Variants in MYO7A observed in about 807,000 individuals in gnomAD.
MYO7A encodes myosin VIIA.
Under a neutral mutation model 263.8 loss-of-function variants are expected in MYO7A, and 210 were observed. The observed-to-expected ratio is 0.80, with a 90% CI of 0.71 to 0.89. MYO7A has a LOEUF of 0.89. MYO7A is among the 40% of genes least tolerant of loss of function. The pLI is 0.00. For synonymous variants in MYO7A, 1,239 were observed against 1,197.3 expected (o/e 1.03, Z -0.72); for missense variants, 2,820 against 2,968.3 (o/e 0.95, Z 1.16).
chr11:77,159,368 C>T (rs1166919105), intron 9 of MYO7A, 79 bp from the exon 10 acceptor site: 5 of 1,371,886 alleles, frequency 3.6e-6, no homozygotes, highest in Non-Finnish European at 5.1e-6. Context: ...GGAGTGGCAG[C>T]CTAGTCCTCT....
chr11:77,180,598 C>A, intron 22 of MYO7A, 117 bp downstream of exon 22: 1 of 833,132 alleles, frequency 1.2e-6, no homozygotes, highest in Non-Finnish European at 1.9e-6. Flanking sequence ...TTCAGAATGG[C>A]CACACTAGAC....
intron 9 of MYO7A, among the ~76,000 whole-genome samples, chr11:77,159,058 G>A (rs2135264602): frequency 6.6e-6 from 1 of 152,356 alleles, no homozygotes; most frequent in Middle Eastern, 3.4e-3. Context: ...TAAGCTGACA[G>A]CAGGAAGAGC....
intron 22 of MYO7A, 52 bp downstream of exon 22, chr11:77,180,533 C>T: frequency 6.6e-7 from 1 of 1,508,104 alleles, no homozygotes; most frequent in Non-Finnish European, 9.1e-7. Flanking sequence ...GGCTTGTCCC[C>T]TCCCCGAGGC....
chr11:77,213,928 C>T lies in MYO7A; in HGVS notation c.6507C>T (p.Ile2169=), dbSNP rs777541389. ...GCAGCGGCAACACCTACTTCCACATCACCATTGGGAACTTGGTGCGCGGGA... is the reference window on the plus strand; with the variant it reads ...GCAGCGGCAACACCTACTTCCACATTACCATTGGGAACTTGGTGCGCGGGA... The part of the protein sequence containing the change: ...NWSSGNTYFH[I]TIGNLVRGSK... The change falls in exon 48 of 49, where the codon ATC becomes ATT. Residue 2169 remains isoleucine (I), a synonymous_variant. Transcript: ENST00000409709. The T allele has an allele frequency of 4.3e-6, 7 of 1,613,968 alleles. No individual in the cohort carries two copies. The African/African-American group carries it at 8.0e-5, about 18-fold the overall frequency.
At chr11:77,206,347 G>C in intron 41 of MYO7A, 145 bp downstream of exon 41, 1 of 648,218 alleles carries the variant, frequency 1.5e-6, no homozygotes. Flanking sequence ...TCGGGGCTCA[G>C]GACGAAGGCC....
At chr11:77,196,814 C>A (rs551163708) in intron 32 of MYO7A, among the ~76,000 whole-genome samples, 1 of 152,262 alleles carries the variant, frequency 6.6e-6, no homozygotes, top group South Asian at 2.1e-4. Flanking sequence ...CTATAAAAAC[C>A]AGGATTTCAC....
intron 44 of MYO7A, among the ~76,000 whole-genome samples, chr11:77,210,231 C>T (rs1054934220): frequency 6.6e-6 from 1 of 152,206 alleles, no homozygotes; most frequent in East Asian, 1.9e-4. Context: ...GGAGGGTAGG[C>T]ATTGTTGCTT....
chr11:77,206,103 G>A lies in MYO7A; in HGVS notation c.5643G>A (p.Gly1881=), dbSNP rs2135738827. ...GCCCCTGCTGCCTTTTCAGAAACGG[G>A]TCCCGGAAGTACCCTCCGCACCTGG... is the stretch of plus-strand genomic sequence containing the variant. The part of the protein sequence containing the change: ...LQRLQKALRN[G]SRKYPPHLVE... Residue 1881 remains glycine (G), a synonymous_variant, in exon 41 of 49, where the codon GGG becomes GGA. Transcript: ENST00000409709. The A allele has an allele frequency of 6.2e-7, 1 of 1,611,424 alleles. No homozygotes were observed. The highest frequency in any genetic ancestry group is 8.5e-7 in the Non-Finnish European group (1 of 1,178,982).
intron 2 of MYO7A, among the ~76,000 whole-genome samples, chr11:77,133,172 G>A (rs1163242090): frequency 6.6e-6 from 1 of 152,178 alleles, no homozygotes; most frequent in Non-Finnish European, 1.5e-5. Flanking sequence ...AGGGTGGACA[G>A]GGAAGGCCAT....
intron 20 of MYO7A, 39 bp from the exon 21 acceptor site, chr11:77,179,696 G>A: frequency 6.7e-7 from 1 of 1,493,510 alleles, no homozygotes; most frequent in East Asian, 2.5e-5. Context: ...GTCTGGAATG[G>A]GACAGCAGGC....
At chr11:77,169,605 A>G (rs145510660) in intron 15 of MYO7A, among the ~76,000 whole-genome samples, 149 of 152,344 alleles carry the variant, frequency 9.8e-4, no homozygotes, top group African/African-American at 3.3e-3. Context: ...CAGGAAGGAC[A>G]GCCTTTCCCC....
rs926410990 is a variant in MYO7A at position 77,202,208 on chromosome 11, C to T, written c.5044-92C>T. The stretch of plus-strand genomic sequence containing the variant: ...TGGGGTCCATACCCCTGAAGAGTCT[C>T]CCAGAGTCCAGAAGGCTTCAGGGTA... On this transcript the variant is annotated intron_variant, in intron 36 of 48. Coordinates refer to ENST00000409709, the MANE Select transcript of MYO7A (RefSeq NM_000260.4). 2.8e-6 allele frequency: 4 copies of T among 1,442,612 alleles called. No individual in the cohort carries two copies. The South Asian group carries it at 4.3e-5, about 16-fold the overall frequency. 89.4% of individuals were successfully genotyped at this position (1,442,612 alleles called of 1,614,324 possible).
rs1957622573 is a variant in MYO7A, at chr11:77,208,567, T to TGGGCTCG, written c.5944+56_5944+62dup. 3 of 1,576,532 alleles carry TGGGCTCG rather than the reference T, an allele frequency of 1.9e-6. No individual in the cohort carries two copies. In the East Asian group the frequency reaches 6.8e-5, roughly 36 times the overall value. ...ATCTGAGGCCCAGAGCAGGGAAGTG[T>TGGGCTCG]GGGCTCGGGGCTGTGCCGTGAGGCC... On this transcript the variant is annotated intron_variant, in intron 43 of 48. Transcript: ENST00000409709.
intron 30 of MYO7A, among the ~76,000 whole-genome samples, chr11:77,191,453 A>T (rs920608816): frequency 1.3e-5 from 2 of 152,352 alleles, no homozygotes; most frequent in Middle Eastern, 3.4e-3. Context: ...AGCATGGCAC[A>T]GGCTGATGGG....
chr11:77,205,211 G>A (rs1206772833), intron 39 of MYO7A, among the ~76,000 whole-genome samples: 2 of 152,204 alleles, frequency 1.3e-5, no homozygotes, highest in East Asian at 1.9e-4. Context: ...TTATCTCCAC[G>A]TGGACTGGTA....
intron 15 of MYO7A, among the ~76,000 whole-genome samples, chr11:77,166,774 C>G (rs182313305): frequency 3.8e-4 from 58 of 152,314 alleles, no homozygotes; most frequent in African/African-American, 1.3e-3. Flanking sequence ...CCTGGCTGTC[C>G]CCTGCCCTCA....
In MYO7A at chr11:77,211,182, A is replaced by C; in HGVS notation, c.6082A>C (p.Lys2028Gln). The C allele has an allele frequency of 2.5e-6, 4 of 1,591,822 alleles. No individual in the cohort carries two copies. Among genetic ancestry groups the C allele is most frequent in the Non-Finnish European group, 3.4e-6 (4 of 1,169,332 alleles). ...GCCCAAGTATCTCCGAGGCTACCACAAGTGCACGCGGGAGGAGGTGCTGCA... is the reference window on the plus strand; with the variant it reads ...GCCCAAGTATCTCCGAGGCTACCACCAGTGCACGCGGGAGGAGGTGCTGCA... The part of the protein sequence containing the change: ...ELPKYLRGYH[K>Q]CTREEVLQLG... Residue 2028 changes from lysine to glutamine, a missense_variant, in exon 45 of 49, where the codon AAG becomes CAG. Transcript: ENST00000409709.
chr11:77,210,981 G>A, intron 44 of MYO7A, 171 bp from the exon 45 acceptor site: 1 of 635,810 alleles, frequency 1.6e-6, no homozygotes, highest in East Asian at 2.8e-5. Context: ...CTCTGTCCCT[G>A]TCCTGTGCCG....
intron 4 of MYO7A, among the ~76,000 whole-genome samples, chr11:77,152,505 C>T (rs945783147): frequency 2.0e-5 from 3 of 152,220 alleles, no homozygotes. Context: ...TCCCACCCCA[C>T]GTCTCAAACT....
Sources: allele counts gnomAD v4.1 joint callset (sites outside exome capture counted in the v4.1 genomes callset), GRCh38; gene constraint gnomAD v4.1.1; transcripts MANE v1.5; gene names NCBI Gene and HGNC (gene_info 2026-07-23, HGNC 2026-07-21).